The following SGCD variants were observed in gnomAD, a reference collection of about 807,000 sequenced individuals.
SGCD encodes the protein delta-sarcoglycan.
Under a neutral mutation model 36.6 loss-of-function variants are expected in SGCD, and 18 were observed. The ratio of observed to expected loss-of-function variants is 0.49; its 90% CI spans 0.34 to 0.73. The LOEUF is 0.73. Ranked by LOEUF, SGCD falls within the 30% of genes least tolerant of loss-of-function variation. The probability of loss-of-function intolerance (pLI) is 0.01; values close to 1 mark genes in which losing one functional copy is unlikely to be tolerated. For synonymous variants in SGCD, 133 were observed against 130.6 expected (o/e 1.02, Z -0.12); for missense variants, 387 against 346.7 (o/e 1.12, Z -0.92).
chr5:156,475,836 A>G (rs1416746653), intron 3 of SGCD, among the ~76,000 whole-genome samples: 2 of 152,228 alleles, frequency 1.3e-5, no homozygotes, highest in African/African-American at 2.4e-5. Flanking sequence ...GCTATGAAGC[A>G]CTTGGAGGGG....
chr5:155,924,847 G>A (rs1353736510), intron 1 of SGCD, among the ~76,000 whole-genome samples: 1 of 152,148 alleles, frequency 6.6e-6, no homozygotes, highest in Non-Finnish European at 1.5e-5. Flanking sequence ...TTATTTCTGG[G>A]AGGTTTGTAA....
intron 7 of SGCD, among the ~76,000 whole-genome samples, chr5:156,678,768 C>T (rs1753610346): frequency 6.6e-6 from 1 of 152,156 alleles, no homozygotes; most frequent in African/African-American, 2.4e-5. Flanking sequence ...ATTGAGAATT[C>T]CCTCTCTGTC....
rs57512841 is a variant in SGCD at position 156,262,399 on chromosome 5, C to A, written c.-43-67135C>A. Among the ~76,000 whole-genome samples, 1,376 of 152,186 alleles carry A rather than the reference C, an allele frequency of 9.0e-3. 14 individuals are homozygous for A. Among genetic ancestry groups the A allele is most frequent in the African/African-American group, 0.032 (1,330 of 41,518 alleles). On this transcript the variant is annotated intron_variant, in intron 3 of 9. Coordinates refer to the SGCD transcript ENST00000517913. ...TATAACCCAGGAGCAGCAGGTTATA[C>A]CATGTAGCCTAGGTGTGTATTAGGC...
chr5:155,835,777 C>T, the SGCD span, among the ~76,000 whole-genome samples: 3 of 152,120 alleles, frequency 2.0e-5, no homozygotes, highest in African/African-American at 4.8e-5. Context: ...GTTTCAGTTA[C>T]CCACTGTCCA....
rs574069947 is a variant in SGCD, at chr5:156,028,902, C to G, written c.-281-88976C>G. On this transcript the variant is annotated intron_variant, in intron 1 of 9. Transcript: ENST00000517913. ...TAATATTACTAATTAAAAGACATAC[C>G]ACTCAGCACGAAATCACAAACTGTA... 2.0e-5 allele frequency among the ~76,000 whole-genome samples: 3 copies of G among 152,194 alleles called. No homozygotes were observed. In the East Asian group the frequency reaches 5.8e-4, roughly 29 times the overall value.
intron 1 of SGCD, among the ~76,000 whole-genome samples, chr5:155,979,152 T>C (rs1403126871): frequency 6.6e-6 from 1 of 152,212 alleles, no homozygotes; most frequent in Non-Finnish European, 1.5e-5. Flanking sequence ...CTGAACAGAT[T>C]GGCACAACAA....
intron 3 of SGCD, among the ~76,000 whole-genome samples, chr5:156,394,276 C>T (rs1771738019): frequency 6.6e-6 from 1 of 152,094 alleles, no homozygotes; most frequent in African/African-American, 2.4e-5. Flanking sequence ...TGTGTAATAC[C>T]AATGGAGTTT....
intron 1 of SGCD, among the ~76,000 whole-genome samples, chr5:156,042,397 G>A (rs1561693431): frequency 6.6e-6 from 1 of 152,146 alleles, no homozygotes. Flanking sequence ...CACAGCCCAT[G>A]CTTAACAGTG....
chr5:156,257,435 A>G (rs924317054), intron 3 of SGCD, among the ~76,000 whole-genome samples: 10 of 151,946 alleles, frequency 6.6e-5, no homozygotes, highest in Non-Finnish European at 1.3e-4. Flanking sequence ...GATGGCGACA[A>G]TGCACTCCAG....
chr5:156,596,316 A>G (rs1220603427), intron 6 of SGCD, among the ~76,000 whole-genome samples: 1 of 152,074 alleles, frequency 6.6e-6, no homozygotes, highest in Non-Finnish European at 1.5e-5. Context: ...CCCAATTTCT[A>G]TCCTTTGCTA....
the SGCD span, among the ~76,000 whole-genome samples, chr5:155,768,773 C>T: frequency 1.3e-5 from 2 of 152,192 alleles, no homozygotes; most frequent in African/African-American, 4.8e-5. Flanking sequence ...CTCAAAAATT[C>T]CTCTTGTTTT....
chr5:155,778,851 G>A, the SGCD span, among the ~76,000 whole-genome samples: 20 of 152,146 alleles, frequency 1.3e-4, no homozygotes, highest in African/African-American at 4.8e-4. Context: ...TATACTAACA[G>A]AAGTTGCTAC....
chr5:156,070,782 G>A (rs1290901011), intron 1 of SGCD, among the ~76,000 whole-genome samples: 3 of 152,274 alleles, frequency 2.0e-5, no homozygotes, highest in East Asian at 1.9e-4. Context: ...TGGTTGGTAA[G>A]CTATTGATTA....
intron 3 of SGCD, among the ~76,000 whole-genome samples, chr5:156,469,401 T>C (rs1041314891): frequency 2.6e-5 from 4 of 152,228 alleles, no homozygotes; most frequent in Non-Finnish European, 2.9e-5. Flanking sequence ...TAAGAAATCA[T>C]TCCCTAAAAT....
intron 1 of SGCD, among the ~76,000 whole-genome samples, chr5:156,058,030 A>G (rs1760104086): frequency 1.4e-5 from 2 of 146,250 alleles, no homozygotes; most frequent in African/African-American, 4.9e-5. Context: ...CAAGCCATTT[A>G]CAATACATAA....
At chr5:156,308,935 C>T (rs1190194727) in intron 3 of SGCD, among the ~76,000 whole-genome samples, 1 of 152,034 alleles carries the variant, frequency 6.6e-6, no homozygotes, top group African/African-American at 2.4e-5. Context: ...ATATTACATA[C>T]TTAGGTAACA....
At chr5:156,159,783 G>A (rs1763047766) in intron 3 of SGCD, among the ~76,000 whole-genome samples, 1 of 151,502 alleles carries the variant, frequency 6.6e-6, no homozygotes, top group Non-Finnish European at 1.5e-5. Context: ...GAAATCCATT[G>A]TAAAGTTTTT....
chr5:156,387,356 A>G (rs1461898489), intron 3 of SGCD, among the ~76,000 whole-genome samples: 1 of 152,200 alleles, frequency 6.6e-6, no homozygotes, highest in African/African-American at 2.4e-5. Context: ...CTATCATGCT[A>G]CACCCTGGCA....
the SGCD span, among the ~76,000 whole-genome samples, chr5:155,837,551 C>T: frequency 6.9e-3 from 1,053 of 152,274 alleles, 8 homozygotes; most frequent in Non-Finnish European, 0.011. Flanking sequence ...TTCTGTAAAC[C>T]TGTGTTTCTC....
Sources: gnomAD v4.1 joint callset for allele counts (sites outside exome capture counted in the v4.1 genomes callset) on GRCh38, gnomAD v4.1.1 for gene constraint, MANE v1.5 for transcripts, NCBI Gene and HGNC (gene_info 2026-07-23, HGNC 2026-07-21) for gene names.